Variants in PCDH7 observed in about 807,000 individuals in gnomAD.
The protein encoded by PCDH7 is protocadherin 7.
A neutral mutation model predicts 58.9 loss-of-function variants in PCDH7; 17 were observed. That is an observed-to-expected ratio of 0.29 (90% CI 0.20 to 0.43). The LOEUF is 0.43. Among genes scored for constraint, PCDH7 ranks in the 20% least tolerant of loss-of-function variants. The probability of loss-of-function intolerance (pLI) is 1.00; values close to 1 mark genes in which losing one functional copy is unlikely to be tolerated. For missense variants in PCDH7, 1,274 were observed against 1,441.0 expected, an observed-to-expected ratio of 0.88 and a Z score of 1.88; for synonymous variants, 664 against 616.4, an observed-to-expected ratio of 1.08 and a Z score of -1.14.
chr4:31,125,728 G>A (rs564427062), intron 3 of PCDH7, among the ~76,000 whole-genome samples: 12 of 152,208 alleles, frequency 7.9e-5, no homozygotes, highest in Non-Finnish European at 1.8e-4. Context: ...ACAGTGCACT[G>A]TGTTGTCAGA....
intron 1 of PCDH7, among the ~76,000 whole-genome samples, chr4:30,745,726 A>G (rs1415577726): frequency 1.3e-5 from 2 of 151,918 alleles, no homozygotes; most frequent in South Asian, 2.1e-4. Flanking sequence ...GGTACTTCTT[A>G]TTTAGTGCTG....
At chr4:30,860,495 T>C (rs1286453071) in intron 1 of PCDH7, among the ~76,000 whole-genome samples, 2 of 151,998 alleles carry the variant, frequency 1.3e-5, no homozygotes, top group Non-Finnish European at 2.9e-5. Context: ...TAATTATGGA[T>C]TGTCTATTCA....
At chr4:31,118,164 G>T (rs1717227081) in intron 3 of PCDH7, among the ~76,000 whole-genome samples, 1 of 152,154 alleles carries the variant, frequency 6.6e-6, no homozygotes, top group South Asian at 2.1e-4. Flanking sequence ...ATTTAAGTAA[G>T]ATGTTCCCTC....
chr4:31,074,784 C>CAAAAA (rs1157267696), intron 3 of PCDH7, among the ~76,000 whole-genome samples: 795 of 52,458 alleles, frequency 0.015, 94 homozygotes, highest in African/African-American at 0.065. Flanking sequence ...GATTCCGTCT[C>CAAAAA]AAAAAAAAAA....
intron 3 of PCDH7, among the ~76,000 whole-genome samples, chr4:30,952,386 T>C (rs925934036): frequency 2.0e-5 from 3 of 151,376 alleles, no homozygotes; most frequent in Non-Finnish European, 4.4e-5. Context: ...TATGCTTGAA[T>C]AGGAAAACAG....
chr4:30,810,363 C>T (rs975050353), intron 1 of PCDH7, among the ~76,000 whole-genome samples: 4 of 151,750 alleles, frequency 2.6e-5, no homozygotes, highest in African/African-American at 7.3e-5. Context: ...AATAAGTAGA[C>T]ATATAGCAAT....
chr4:30,824,071 G>C (rs931986815), intron 1 of PCDH7, among the ~76,000 whole-genome samples: 2 of 148,912 alleles, frequency 1.3e-5, no homozygotes, highest in African/African-American at 5.0e-5. Flanking sequence ...TAATTAAAGC[G>C]GGGTTTCTTT....
chr4:30,960,151 A>AAGGAAGGAAGGAAGGG (rs1488439402), intron 3 of PCDH7, among the ~76,000 whole-genome samples: 7 of 30,854 alleles, frequency 2.3e-4, no homozygotes, highest in African/African-American at 1.6e-3. Context: ...GGAAGGAAGG[A>AAGGAAGGAAGGAAGGG]AGGGAGGGAG....
intron 3 of PCDH7, among the ~76,000 whole-genome samples, chr4:31,140,041 T>A (rs939797152): frequency 6.6e-6 from 1 of 152,136 alleles, no homozygotes; most frequent in African/African-American, 2.4e-5. Context: ...GACTGTGAAG[T>A]AAAGACTGAA....
chr4:30,750,069 G>T (rs1718307995), intron 1 of PCDH7, among the ~76,000 whole-genome samples: 1 of 152,042 alleles, frequency 6.6e-6, no homozygotes, highest in Admixed American at 6.5e-5. Context: ...CTCCTATAAG[G>T]CACTGGGCAG....
intron 3 of PCDH7, among the ~76,000 whole-genome samples, chr4:31,063,961 A>T (rs1306672199): frequency 6.6e-6 from 1 of 151,930 alleles, no homozygotes; most frequent in Non-Finnish European, 1.5e-5. Context: ...TCGATCTGAA[A>T]ACTATATGAC....
intron 1 of PCDH7, among the ~76,000 whole-genome samples, chr4:30,751,408 C>A (rs147603382): frequency 6.6e-6 from 1 of 152,102 alleles, no homozygotes; most frequent in Non-Finnish European, 1.5e-5. Context: ...AGAAATATTT[C>A]GAGCAAAAGA....
chr4:30,879,669 G>A (rs1418067499), intron 1 of PCDH7, among the ~76,000 whole-genome samples: 6 of 152,122 alleles, frequency 3.9e-5, no homozygotes, highest in Non-Finnish European at 8.8e-5. Flanking sequence ...ATGATGATAT[G>A]CAATATTGAG....
chr4:31,056,458 GAAGA>G (rs1553932367), intron 3 of PCDH7, among the ~76,000 whole-genome samples: 3,102 of 83,032 alleles, frequency 0.037, 68 homozygotes, highest in Middle Eastern at 0.058. Context: ...AAGAAAGAAA[GAAGA>G]AAGAAAGAAA....
intron 2 of PCDH7, 41 bp downstream of exon 2, chr4:30,920,410 T>C (rs1560502333): frequency 7.5e-7 from 1 of 1,324,552 alleles, no homozygotes. Flanking sequence ...ATCACGCTAG[T>C]GAGCCGTAAT....
chr4:31,042,543 G>A (rs1049346509), intron 3 of PCDH7, among the ~76,000 whole-genome samples: 2 of 152,076 alleles, frequency 1.3e-5, no homozygotes, highest in African/African-American at 4.8e-5. Context: ...CAAGAAAAGG[G>A]AGTCTTGTAA....
chr4:30,959,311 A>G (rs1377320943), intron 3 of PCDH7, among the ~76,000 whole-genome samples: 1 of 152,016 alleles, frequency 6.6e-6, no homozygotes, highest in Non-Finnish European at 1.5e-5. Flanking sequence ...AGTTTGCTCT[A>G]AGGAAATATG....
rs561008744 is a variant in PCDH7, at chr4:30,927,565, C to G, written c.287+7196C>G. On this transcript the variant is annotated intron_variant, in intron 2 of 3. Transcript: ENST00000509759. ...TTGATCTATGACCTTACCCCCAACCCTGTGCTCTCTGAAACATGTGCTGTG... is the reference window on the plus strand; with the variant it reads ...TTGATCTATGACCTTACCCCCAACCGTGTGCTCTCTGAAACATGTGCTGTG... Among the ~76,000 whole-genome samples the G allele has an allele frequency of 2.0e-5, 3 of 152,120 alleles. No individual in the cohort carries two copies. In the East Asian group the frequency reaches 5.8e-4, roughly 29 times the overall value.
intron 2 of PCDH7, among the ~76,000 whole-genome samples, chr4:30,922,787 T>G (rs1377992323): frequency 4.6e-5 from 7 of 152,112 alleles, no homozygotes; most frequent in Admixed American, 2.6e-4. Context: ...GTGATTCATG[T>G]TAGCCTTGAT....
Sources: gnomAD v4.1 joint callset for allele counts (sites outside exome capture counted in the v4.1 genomes callset) on GRCh38, gnomAD v4.1.1 for gene constraint, MANE v1.5 for transcripts, NCBI Gene and HGNC (gene_info 2026-07-23, HGNC 2026-07-21) for gene names.